The following MYO1D variants were observed in gnomAD, a reference collection of about 807,000 sequenced individuals.
MYO1D encodes unconventional myosin-Id.
A neutral mutation model predicts 122.0 loss-of-function variants in MYO1D; 83 were observed. That is an observed-to-expected ratio of 0.68 (90% CI 0.57 to 0.82). The LOEUF is 0.82. Ranked by LOEUF, MYO1D falls within the 40% of genes least tolerant of loss-of-function variation. The pLI is 0.00. For synonymous variants in MYO1D, 464 were observed against 446.9 expected (o/e 1.04, Z -0.48); for missense variants, 1,157 against 1,269.5 (o/e 0.91, Z 1.35).
intron 21 of MYO1D, among the ~76,000 whole-genome samples, chr17:32,533,295 C>T (rs749339501): frequency 2.0e-5 from 3 of 152,074 alleles, no homozygotes; most frequent in Non-Finnish European, 4.4e-5. Flanking sequence ...TTCATGGCCA[C>T]CCATCACCCA....
intron 16 of MYO1D, among the ~76,000 whole-genome samples, chr17:32,705,688 G>A (rs936484631): frequency 2.0e-5 from 3 of 152,168 alleles, no homozygotes; most frequent in Non-Finnish European, 4.4e-5. Context: ...AAATTTTGGA[G>A]GTTCTGGTTT....
intron 21 of MYO1D, among the ~76,000 whole-genome samples, chr17:32,538,695 C>T (rs1910738792): frequency 6.6e-6 from 1 of 151,920 alleles, no homozygotes; most frequent in South Asian, 2.1e-4. Context: ...TGGAATCAAC[C>T]CAAATGACCA....
intron 21 of MYO1D, among the ~76,000 whole-genome samples, chr17:32,512,571 T>C (rs1909733454): frequency 6.6e-6 from 1 of 152,196 alleles, no homozygotes; most frequent in South Asian, 2.1e-4. Context: ...GGCTTTGCTA[T>C]GCACATGCAT....
chr17:32,768,255 G>A (rs1047280663), intron 6 of MYO1D, among the ~76,000 whole-genome samples: 1 of 152,192 alleles, frequency 6.6e-6, no homozygotes, highest in African/African-American at 2.4e-5. Context: ...AAAACAGCCA[G>A]CCTCAGTCAT....
chr17:32,825,648 G>A (rs2151061342), intron 1 of MYO1D, among the ~76,000 whole-genome samples: 1 of 152,238 alleles, frequency 6.6e-6, no homozygotes, highest in African/African-American at 2.4e-5. Flanking sequence ...TAAAACTATT[G>A]ATAGTTTTAA....
chr17:32,638,630 C>A, intron 20 of MYO1D, 92 bp downstream of exon 20: 1 of 769,806 alleles, frequency 1.3e-6, no homozygotes, highest in Admixed American at 2.4e-5. Context: ...CCTAAAGCCC[C>A]AAAGATTCTA....
At chr17:32,599,692 G>A (rs1012865993) in intron 21 of MYO1D, among the ~76,000 whole-genome samples, 5 of 152,162 alleles carry the variant, frequency 3.3e-5, no homozygotes, top group African/African-American at 1.2e-4. Context: ...TCACTCTGTT[G>A]CCCATGCTGG....
chr17:32,589,685 C>T (rs765522131), intron 21 of MYO1D, among the ~76,000 whole-genome samples: 4 of 152,206 alleles, frequency 2.6e-5, no homozygotes, highest in African/African-American at 7.2e-5. Context: ...AGCTGTAGAA[C>T]AGGAGGAAGC....
At chr17:32,874,544 T>G (rs928492782) in intron 1 of MYO1D, among the ~76,000 whole-genome samples, 1 of 152,216 alleles carries the variant, frequency 6.6e-6, no homozygotes, top group Non-Finnish European at 1.5e-5. Context: ...AGATGTCACC[T>G]CTTCGAGAGG....
chr17:32,762,439 T>C (rs574761581), intron 8 of MYO1D, among the ~76,000 whole-genome samples: 7 of 152,282 alleles, frequency 4.6e-5, no homozygotes, highest in South Asian at 4.1e-4. Context: ...CTCTCCCCAT[T>C]TGTACTTTCA....
chr17:32,653,919 G>A lies in MYO1D; in HGVS notation c.2519C>T (p.Thr840Ile). Residue 840 changes from threonine (T) to isoleucine (I), a missense_variant, in exon 19 of 22, where the codon ACT becomes ATT. By Grantham distance (89) the Thr-to-Ile change is moderately conservative. Coordinates refer to ENST00000318217, the MANE Select transcript of MYO1D (RefSeq NM_015194.3). ...SKPDTPQTSGTFVPVANELKR... is the reference protein window; with the variant it reads ...SKPDTPQTSGIFVPVANELKR... ...CAATTCATTAGCAACAGGGACAAAA[G>A]TGCCTGAGGTCTGAGGTGTATCTGG... 1 of 1,613,980 alleles carries A rather than the reference G, an allele frequency of 6.2e-7. No individual in the cohort carries two copies. The highest frequency in any genetic ancestry group is 8.5e-7 in the Non-Finnish European group (1 of 1,179,926).
chr17:32,510,765 CA>C (rs1909666912), intron 21 of MYO1D: 1 of 152,156 alleles, frequency 6.6e-6, no homozygotes, highest in African/African-American at 2.4e-5. Context: ...TCCCCTCCAC[CA>C]ACATCAGACT....
chr17:32,641,377 A>G (rs2088198367), intron 19 of MYO1D, among the ~76,000 whole-genome samples: 1 of 152,034 alleles, frequency 6.6e-6, no homozygotes. Context: ...GCTATTGTGA[A>G]TAGTGCCACA....
intron 19 of MYO1D, among the ~76,000 whole-genome samples, chr17:32,653,084 G>A (rs2088418627): frequency 1.3e-5 from 2 of 151,878 alleles, no homozygotes; most frequent in Non-Finnish European, 1.5e-5. Context: ...GGAGCTTGCA[G>A]TGAGCCGAGA....
At chr17:32,560,712 C>T (rs2087117413) in intron 21 of MYO1D, among the ~76,000 whole-genome samples, 1 of 150,822 alleles carries the variant, frequency 6.6e-6, no homozygotes, top group African/African-American at 2.4e-5. Context: ...CTCCGCCTCT[C>T]GGGTTCAAGT....
At chr17:32,867,150 A>C (rs1017046420) in intron 1 of MYO1D, among the ~76,000 whole-genome samples, 37 of 152,076 alleles carry the variant, frequency 2.4e-4, no homozygotes, top group African/African-American at 6.5e-4. Context: ...ACATGGTGAA[A>C]TCCCATCTCT....
At chr17:32,553,630 T>C (rs2087042473) in intron 21 of MYO1D, among the ~76,000 whole-genome samples, 2 of 152,210 alleles carry the variant, frequency 1.3e-5, no homozygotes, top group Non-Finnish European at 1.5e-5. Context: ...TCTTTTTCTC[T>C]CGGCACTGCT....
chr17:32,795,980 C>G (rs530792302), intron 1 of MYO1D, among the ~76,000 whole-genome samples: 1 of 152,206 alleles, frequency 6.6e-6, no homozygotes, highest in African/African-American at 2.4e-5. Context: ...AGCGCGCTCT[C>G]GGGGTTCGAA....
At chr17:32,832,228 C>T (rs1446357688) in intron 1 of MYO1D, among the ~76,000 whole-genome samples, 1 of 151,840 alleles carries the variant, frequency 6.6e-6, no homozygotes, top group East Asian at 1.9e-4. Flanking sequence ...CACCTCAGCT[C>T]CCTTGACTCC....
Sources: allele counts gnomAD v4.1 joint callset (sites outside exome capture counted in the v4.1 genomes callset), GRCh38; gene constraint gnomAD v4.1.1; transcripts MANE v1.5; gene names NCBI Gene and HGNC (gene_info 2026-07-23, HGNC 2026-07-21).